Variants in RELN observed in about 807,000 individuals in gnomAD.
RELN encodes reelin.
Under a neutral mutation model 427.6 loss-of-function variants are expected in RELN, and 108 were observed. The ratio of observed to expected loss-of-function variants is 0.25; its 90% confidence interval spans 0.22 to 0.30. RELN has a LOEUF of 0.30. Ranked by LOEUF, RELN falls within the 10% of genes least tolerant of loss-of-function variation. The pLI is 1.00. For missense variants in RELN, 3,715 were observed against 4,302.8 expected (o/e 0.86, Z 3.82); for synonymous variants, 1,524 against 1,513.4 (o/e 1.01, Z -0.16).
At chr7:103,928,978 T>C (rs1247798729) in intron 1 of RELN, among the ~76,000 whole-genome samples, 1 of 152,182 alleles carries the variant, frequency 6.6e-6, no homozygotes, top group African/African-American at 2.4e-5. Flanking sequence ...TTACATATAT[T>C]ATAATAATTC....
At chr7:103,973,831 A>G (rs937932816) in intron 1 of RELN, among the ~76,000 whole-genome samples, 1 of 152,208 alleles carries the variant, frequency 6.6e-6, no homozygotes, top group African/African-American at 2.4e-5. Context: ...AAAAAATAAC[A>G]AAAAGTATGT....
rs1796696040 is a variant in RELN at position 103,968,218 on chromosome 7, A to T, written c.226+20913T>A. The stretch of plus-strand genomic sequence containing the variant: ...ATTTTCCCCCAAACAAGAAAAATAT[A>T]TTGGGAGGCTAAACATTACTTTATG... On this transcript the variant is annotated intron_variant, in intron 1 of 64. Coordinates refer to ENST00000428762, the MANE Select transcript of RELN (RefSeq NM_005045.4). This position sits in a 1 kb window ranked among gnomAD's most constrained non-coding sequence, Gnocchi z 4.3. Among the ~76,000 whole-genome samples the T allele has an allele frequency of 6.6e-6, 1 of 152,076 alleles. No individual in the cohort carries two copies. Among genetic ancestry groups the T allele is most frequent in the Admixed American group, 6.5e-5 (1 of 15,270 alleles).
intron 1 of RELN, among the ~76,000 whole-genome samples, chr7:103,920,992 T>C (rs1362643551): frequency 6.6e-6 from 1 of 152,208 alleles, no homozygotes; most frequent in Non-Finnish European, 1.5e-5. Flanking sequence ...AATAGTAAAA[T>C]GTACTAGAAG....
chr7:103,521,950 T>G (rs1829717618), intron 48 of RELN, 72 bp downstream of exon 48: 1 of 1,505,376 alleles, frequency 6.6e-7, no homozygotes, highest in African/African-American at 1.4e-5. Flanking sequence ...CCATTAAACT[T>G]CAGAAGAGAG....
intron 28 of RELN, among the ~76,000 whole-genome samples, chr7:103,580,168 A>G (rs1307252472): frequency 6.6e-6 from 1 of 152,266 alleles, no homozygotes; most frequent in Non-Finnish European, 1.5e-5. Flanking sequence ...GCCTCATGGC[A>G]AAACAGCTCC....
At chr7:103,919,818 T>G (rs1228944749) in intron 1 of RELN, among the ~76,000 whole-genome samples, 1 of 152,220 alleles carries the variant, frequency 6.6e-6, no homozygotes, top group African/African-American at 2.4e-5. Context: ...AAGTGATTTA[T>G]GACAAGTTAA....
At position 103,506,327 on chromosome 7, in the gene RELN, A is replaced by C. The variant is rs182377117; in HGVS notation, c.8275-3097T>G. Among the ~76,000 whole-genome samples the C allele has an allele frequency of 3.7e-3, 558 of 152,330 alleles. 2 individuals carry two copies. The highest frequency in any genetic ancestry group is 0.013 in the African/African-American group (527 of 41,562). On this transcript the variant is annotated intron_variant, in intron 51 of 64. Transcript: ENST00000428762. ...GCAAGAGAGAAAGGTCGGGTTACCC[A>C]CAAAGGGAAGCCCATCAGACTAACA...
intron 28 of RELN, among the ~76,000 whole-genome samples, chr7:103,586,816 T>C (rs938998035): frequency 7.9e-4 from 121 of 152,282 alleles, no homozygotes; most frequent in African/African-American, 2.8e-3. Flanking sequence ...TAGGAATACA[T>C]TTAACCAAGG....
At chr7:103,980,458 TTTTC>T (rs1243936351) in intron 1 of RELN, among the ~76,000 whole-genome samples, 2 of 152,314 alleles carry the variant, frequency 1.3e-5, no homozygotes, top group South Asian at 2.1e-4. Flanking sequence ...TAGCTTTTAC[TTTTC>T]TTTGTTTTCT....
At chr7:103,600,678 T>G (rs1245843928) in intron 24 of RELN, among the ~76,000 whole-genome samples, 1 of 152,132 alleles carries the variant, frequency 6.6e-6, no homozygotes, top group East Asian at 1.9e-4. Flanking sequence ...TCAAAACAGT[T>G]CTGAATGAAT....
At chr7:103,923,613 A>G (rs1795662397) in intron 1 of RELN, among the ~76,000 whole-genome samples, 1 of 152,180 alleles carries the variant, frequency 6.6e-6, no homozygotes, top group African/African-American at 2.4e-5. Flanking sequence ...ATGGACTCCA[A>G]TCAGCCTTTT....
At chr7:103,575,998 C>T (rs1040026789) in intron 28 of RELN, among the ~76,000 whole-genome samples, 2 of 151,948 alleles carry the variant, frequency 1.3e-5, no homozygotes, top group Non-Finnish European at 2.9e-5. Flanking sequence ...TTTGGGAGGC[C>T]GAGGTGGGCG....
chr7:103,729,249 C>A (rs1160084493), intron 6 of RELN, among the ~76,000 whole-genome samples: 2 of 152,072 alleles, frequency 1.3e-5, no homozygotes, highest in Non-Finnish European at 2.9e-5. Flanking sequence ...GGGCACTATG[C>A]CCTTTGTTTA....
intron 40 of RELN, among the ~76,000 whole-genome samples, chr7:103,552,096 C>A (rs1830425858): frequency 6.6e-6 from 1 of 152,182 alleles, no homozygotes; most frequent in Non-Finnish European, 1.5e-5. Context: ...TCACCTACTT[C>A]TTCCCACATC....
chr7:103,861,886 T>C (rs1175569048), intron 2 of RELN, among the ~76,000 whole-genome samples: 2 of 152,200 alleles, frequency 1.3e-5, no homozygotes, highest in Non-Finnish European at 2.9e-5. Context: ...CTTAAGGCAA[T>C]GTAAGATCAA....
rs568191396 is a variant in RELN at position 103,502,571 on chromosome 7, A to T, written c.8489+445T>A. 2.6e-5 allele frequency among the ~76,000 whole-genome samples: 4 copies of T among 152,292 alleles called. No individual in the cohort carries two copies. In the South Asian group the frequency reaches 8.3e-4, roughly 32 times the overall value. ...CAATGCTTTGATAAGAGAAAAATGG[A>T]TCCCATAAGTCACAGTGGTAGAAAT... is the stretch of plus-strand genomic sequence containing the variant. On this transcript the variant is annotated intron_variant, in intron 52 of 64. Coordinates refer to ENST00000428762, the MANE Select transcript of RELN (RefSeq NM_005045.4).
chr7:103,686,225 C>T (rs561411830), intron 10 of RELN, among the ~76,000 whole-genome samples: 1 of 152,258 alleles, frequency 6.6e-6, no homozygotes, highest in Admixed American at 6.5e-5. Context: ...TATGCCTTCC[C>T]CTCCACATGA....
intron 2 of RELN, among the ~76,000 whole-genome samples, chr7:103,846,470 A>C (rs895492871): frequency 2.6e-5 from 4 of 152,240 alleles, no homozygotes; most frequent in African/African-American, 9.6e-5. Flanking sequence ...AAACCATAAA[A>C]ATCCTAGAAG....
At chr7:103,600,211 G>A (rs1163858950) in intron 24 of RELN, among the ~76,000 whole-genome samples, 2 of 152,176 alleles carry the variant, frequency 1.3e-5, no homozygotes, top group Admixed American at 6.5e-5. Context: ...ATAAGTTTTA[G>A]ATAATATGAT....
Sources: allele counts gnomAD v4.1 joint callset (sites outside exome capture counted in the v4.1 genomes callset), GRCh38; gene constraint gnomAD v4.1.1; non-coding constraint Gnocchi (gnomAD v3.1); transcripts MANE v1.5; gene names NCBI Gene and HGNC (gene_info 2026-07-23, HGNC 2026-07-21).